KDM2B: variants seen among roughly 807,000 people sequenced by gnomAD.
The protein encoded by KDM2B is lysine demethylase 2B, also known as lysine-specific demethylase 2B.
A neutral mutation model predicts 150.0 loss-of-function variants in KDM2B; 26 were observed. The ratio of observed to expected loss-of-function variants is 0.17; its 90% CI spans 0.13 to 0.24. The LOEUF (loss-of-function observed/expected upper bound fraction) is 0.24. KDM2B is among the 10% of genes least tolerant of loss of function. The pLI is 1.00. For missense variants in KDM2B, 1,265 were observed against 1,816.9 expected (o/e 0.70, Z 5.52); for synonymous variants, 734 against 729.5 (o/e 1.01, Z -0.10).
intron 6 of KDM2B, among the ~76,000 whole-genome samples, chr12:121,542,467 G>C (rs1162358362): frequency 2.0e-5 from 3 of 152,348 alleles, no homozygotes; most frequent in South Asian, 4.1e-4. Context: ...AAGCTTATAA[G>C]AGACCCTGAG....
intron 12 of KDM2B, among the ~76,000 whole-genome samples, chr12:121,465,762 C>A (rs1345398283): frequency 6.6e-6 from 1 of 152,186 alleles, no homozygotes; most frequent in Non-Finnish European, 1.5e-5. Context: ...ATACTGACAT[C>A]CTACGAATGA....
chr12:121,436,021 TAAAAC>T (rs1261419886), intron 22 of KDM2B, among the ~76,000 whole-genome samples: 1 of 151,956 alleles, frequency 6.6e-6, no homozygotes, highest in East Asian at 1.9e-4. Context: ...GAGAAGAAAA[TAAAAC>T]AATCATTCAT....
intron 4 of KDM2B, among the ~76,000 whole-genome samples, chr12:121,566,606 C>A (rs922286005): frequency 1.3e-5 from 2 of 150,242 alleles, no homozygotes; most frequent in African/African-American, 2.5e-5. Flanking sequence ...GGGCGACAAG[C>A]GAAATTCTGT....
At position 121,442,491 on chromosome 12, in the gene KDM2B, G is replaced by A. The variant is rs1555288709; in HGVS notation, c.2950C>T (p.Pro984Ser). The change falls in exon 19 of 23, where the codon CCC becomes TCC. Residue 984 changes from proline (P) to serine (S), a missense_variant. Pro to Ser is a moderately conservative substitution (Grantham distance 74, BLOSUM62 -1). Around this residue, in one of 11 missense-constraint regions of KDM2B, gnomAD observed 418 missense variants for 402.4 expected, o/e 1.04. Transcript: ENST00000377071. This position sits in a 1 kb window ranked among gnomAD's most constrained non-coding sequence, Gnocchi z 7.7. ...TCGCAGATGCCCGGGGGCCGCTTGG[G>A]CTCCTCGCCCTCGCTCTCAGGCTCC... Reference protein sequence around the residue: ...KSEPESEGEEPKRPPGICERP... With the variant: ...KSEPESEGEESKRPPGICERP... The A allele has an allele frequency of 6.3e-7, 1 of 1,599,558 alleles. No individual in the cohort carries two copies. The highest frequency in any genetic ancestry group is 1.7e-5 in the Admixed American group (1 of 60,022).
intron 14 of KDM2B, chr12:121,444,767 G>T: frequency 1.7e-6 from 1 of 579,850 alleles, no homozygotes. Context: ...GGGACCCTGG[G>T]CAAGACACTC....
intron 12 of KDM2B, among the ~76,000 whole-genome samples, chr12:121,458,672 G>A (rs1360090640): frequency 6.6e-6 from 1 of 151,664 alleles, no homozygotes; most frequent in Non-Finnish European, 1.5e-5. Flanking sequence ...ATGGTGGCAC[G>A]TGCCTGTAAT....
the KDM2B span, chr12:121,417,720 C>T: frequency 4.3e-6 from 7 of 1,614,070 alleles, no homozygotes; most frequent in South Asian, 5.5e-5. The surrounding 1 kb of genome is among the most constrained non-coding windows in gnomAD (Gnocchi z 5.0). Context: ...GGATCTAGTA[C>T]TGTGCCATCA....
At chr12:121,440,289 C>T (rs1874754297) in intron 21 of KDM2B, 2 of 582,396 alleles carry the variant, frequency 3.4e-6, no homozygotes, top group South Asian at 2.0e-5. Context: ...AACTAAAAGA[C>T]CTAGAAACAC....
chr12:121,562,889 C>T (rs1382602750), intron 4 of KDM2B, among the ~76,000 whole-genome samples: 2 of 151,936 alleles, frequency 1.3e-5, no homozygotes, highest in Non-Finnish European at 2.9e-5. Flanking sequence ...GGCACATATG[C>T]GATAAAAGAT....
intron 4 of KDM2B, among the ~76,000 whole-genome samples, chr12:121,554,237 C>CAA (rs1236575350): frequency 3.1e-5 from 4 of 130,536 alleles, no homozygotes; most frequent in Non-Finnish European, 5.0e-5. Context: ...GATCCTGTCT[C>CAA]AAAAAAAAAA....
At chr12:121,490,915 G>A (rs1883271951) in intron 12 of KDM2B, among the ~76,000 whole-genome samples, 1 of 152,152 alleles carries the variant, frequency 6.6e-6, no homozygotes, top group Non-Finnish European at 1.5e-5. Context: ...ACCCGACCCA[G>A]ATCAAATACC....
At chr12:121,486,868 G>A (rs1882822505) in intron 12 of KDM2B, among the ~76,000 whole-genome samples, 1 of 152,140 alleles carries the variant, frequency 6.6e-6, no homozygotes, top group South Asian at 2.1e-4. Context: ...AGCTACTCAG[G>A]AGGCTGAGGT....
At chr12:121,488,763 A>C (rs920453166) in intron 12 of KDM2B, among the ~76,000 whole-genome samples, 1 of 151,762 alleles carries the variant, frequency 6.6e-6, no homozygotes, top group Non-Finnish European at 1.5e-5. Flanking sequence ...CTGGGATTAC[A>C]GGTGCCCACC....
At chr12:121,409,248 G>A in the KDM2B span, among the ~76,000 whole-genome samples, 2 of 152,180 alleles carry the variant, frequency 1.3e-5, no homozygotes, top group African/African-American at 4.8e-5. Flanking sequence ...CCAAACTGCT[G>A]GGATTATAGG....
intron 22 of KDM2B, among the ~76,000 whole-genome samples, chr12:121,433,616 G>C (rs1227654331): frequency 6.6e-6 from 1 of 152,168 alleles, no homozygotes; most frequent in Non-Finnish European, 1.5e-5. Flanking sequence ...GGAAAGTCAA[G>C]ACTTAATACA....
At chr12:121,472,287 C>T (rs781970285) in intron 12 of KDM2B, among the ~76,000 whole-genome samples, 1 of 152,172 alleles carries the variant, frequency 6.6e-6, no homozygotes, top group African/African-American at 2.4e-5. Flanking sequence ...AGCAGAAGGT[C>T]TTTTGGAGAG....
chr12:121,444,904 T>C (rs1481568597), intron 14 of KDM2B: 3 of 424,798 alleles, frequency 7.1e-6, no homozygotes, highest in Non-Finnish European at 8.7e-6. Context: ...AGGACTCTAC[T>C]GGGTGCTGGG....
Position 121,549,902 on chromosome 12 carries a change from A to C in KDM2B, c.398-264T>G, listed in dbSNP as rs1358099906. 6.6e-6 allele frequency among the ~76,000 whole-genome samples: 1 copy of C among 152,230 alleles called. No individual in the cohort carries two copies. Among genetic ancestry groups the C allele is most frequent in the Non-Finnish European group, 1.5e-5 (1 of 68,042 alleles). On this transcript the variant is annotated intron_variant, in intron 4 of 22. Transcript: ENST00000377071. The surrounding 1 kb of genome is among the most constrained non-coding windows in gnomAD (Gnocchi z 4.4). Reference sequence around the variant, plus strand: ...CCTAAAGGGGCCCAAGCAGCTGGGCATGGTGGCTTAAGGCTGTAATCCCAG... The same window carrying C: ...CCTAAAGGGGCCCAAGCAGCTGGGCCTGGTGGCTTAAGGCTGTAATCCCAG...
intron 13 of KDM2B, among the ~76,000 whole-genome samples, chr12:121,449,924 T>G (rs1287087145): frequency 3.3e-5 from 5 of 152,030 alleles, no homozygotes; most frequent in Non-Finnish European, 7.4e-5. Context: ...GAAAAGGCAA[T>G]CTACAGGATG....
Sources: gnomAD v4.1 joint callset for allele counts (sites outside exome capture counted in the v4.1 genomes callset) on GRCh38, gnomAD v4.1.1 for gene constraint, gnomAD v4.1.1 regional missense constraint, Gnocchi (gnomAD v3.1) non-coding constraint, MANE v1.5 for transcripts, NCBI Gene and HGNC (gene_info 2026-07-23, HGNC 2026-07-21) for gene names.